Variants in IST1 observed in about 807,000 individuals in gnomAD.
The protein encoded by IST1 is IST1 factor associated with ESCRT-III, also known as IST1 homolog.
IST1 carries 23 observed loss-of-function variants against 37.0 expected under a neutral mutation model. That is an observed-to-expected ratio of 0.62 (90% CI 0.45 to 0.88). The LOEUF is 0.88. IST1 is among the 40% of genes least tolerant of loss of function. IST1 has a pLI of 0.00. For missense variants in IST1, 488 were observed against 445.4 expected, an observed-to-expected ratio of 1.10 and a Z score of -0.86; for synonymous variants, 180 against 161.7, an observed-to-expected ratio of 1.11 and a Z score of -0.86.
intron 1 of IST1, among the ~76,000 whole-genome samples, chr16:71,907,645 T>C (rs966419450): frequency 9.9e-5 from 15 of 152,220 alleles, no homozygotes; most frequent in African/African-American, 3.4e-4. Flanking sequence ...CCTACAGATC[T>C]GTAAGGCTTT....
intron 4 of IST1, among the ~76,000 whole-genome samples, chr16:71,918,683 TG>T (rs1234698641): frequency 6.6e-6 from 1 of 152,212 alleles, no homozygotes; most frequent in Non-Finnish European, 1.5e-5. Context: ...CCCAAAGTGT[TG>T]GGATTACAGG....
At chr16:71,905,927 A>T (rs2037213404) in intron 1 of IST1, among the ~76,000 whole-genome samples, 1 of 151,140 alleles carries the variant, frequency 6.6e-6, no homozygotes, top group Admixed American at 6.6e-5. Context: ...CGTTTCTGTA[A>T]CTCTTGCTTT....
At chr16:71,924,657 G>C in intron 8 of IST1, 112 bp from the exon 9 acceptor site, 2 of 797,896 alleles carry the variant, frequency 2.5e-6, no homozygotes, top group Non-Finnish European at 4.5e-6. Context: ...TTTGGAACAG[G>C]CTCTGTTGCA....
chr16:71,903,719 G>A (rs2037159554), intron 1 of IST1: 1 of 152,150 alleles, frequency 6.6e-6, no homozygotes, highest in African/African-American at 2.4e-5. Context: ...TGTTAAGTTT[G>A]ATTTTAGAAC....
intron 1 of IST1, among the ~76,000 whole-genome samples, chr16:71,900,574 A>C (rs1416664504): frequency 6.6e-6 from 1 of 152,124 alleles, no homozygotes; most frequent in Non-Finnish European, 1.5e-5. Context: ...TGGGTTTGCT[A>C]TGCCAGTGTT....
chr16:71,905,138 C>T (rs1182560118), intron 1 of IST1, among the ~76,000 whole-genome samples: 1 of 151,348 alleles, frequency 6.6e-6, no homozygotes, highest in Non-Finnish European at 1.5e-5. Flanking sequence ...CGTGTTCAAG[C>T]AATTCTCCCG....
chr16:71,902,751 C>G (rs551632064), intron 1 of IST1, among the ~76,000 whole-genome samples: 1 of 152,298 alleles, frequency 6.6e-6, no homozygotes, highest in African/African-American at 2.4e-5. Context: ...TTCACCCTTT[C>G]ATCGCTGATA....
intron 4 of IST1, among the ~76,000 whole-genome samples, chr16:71,918,348 A>G (rs188634291): frequency 6.6e-6 from 1 of 151,502 alleles, no homozygotes; most frequent in East Asian, 2.0e-4. Context: ...CCAATAGGGT[A>G]CCAGGGATAG....
chr16:71,904,812 T>C (rs1436844468), intron 1 of IST1, among the ~76,000 whole-genome samples: 4 of 152,218 alleles, frequency 2.6e-5, no homozygotes, highest in Admixed American at 2.6e-4. Flanking sequence ...TGACAGTATA[T>C]AGTGGATCAT....
chr16:71,918,049 C>T (rs575376381), intron 4 of IST1, among the ~76,000 whole-genome samples: 28 of 152,258 alleles, frequency 1.8e-4, no homozygotes, highest in African/African-American at 6.5e-4. Context: ...CAGATGCCTT[C>T]ATTGCTGAGT....
intron 4 of IST1, among the ~76,000 whole-genome samples, chr16:71,917,512 A>G (rs990195254): frequency 2.0e-5 from 3 of 152,230 alleles, no homozygotes; most frequent in Admixed American, 1.3e-4. Flanking sequence ...TGTATGAGCT[A>G]TGTAAGTGCT....
At chr16:71,907,537 A>G (rs1461341646) in intron 1 of IST1, among the ~76,000 whole-genome samples, 1 of 152,140 alleles carries the variant, frequency 6.6e-6, no homozygotes, top group Non-Finnish European at 1.5e-5. Flanking sequence ...TCGGCTTCCC[A>G]AAGTGCTGGG....
rs1335841743 is a variant in IST1, at chr16:71,923,415, G to A, written c.852+35G>A. On this transcript the variant is annotated intron_variant, in intron 8 of 9. Transcript: ENST00000378799. ...TGAGCCTCTTTTATAAGCAACAGGA[G>A]AGTGAATGCCATGAAGAGCGAGCAA... 1 of 1,337,646 alleles carries A rather than the reference G, an allele frequency of 7.5e-7. No homozygotes were observed. The highest frequency in any genetic ancestry group is 1.1e-6 in the Non-Finnish European group (1 of 931,216). The allele number at this position is 1,337,646 out of a possible 1,614,324, so 82.9% of individuals were successfully genotyped here.
chr16:71,913,363 G>T (rs2037399954), intron 1 of IST1, among the ~76,000 whole-genome samples: 1 of 151,874 alleles, frequency 6.6e-6, no homozygotes, highest in African/African-American at 2.4e-5. Context: ...AGATATTAAT[G>T]ATATTGGCAC....
At chr16:71,895,739 G>A (rs997347908) in intron 1 of IST1, 150 bp downstream of exon 1, 8 of 197,808 alleles carry the variant, frequency 4.0e-5, no homozygotes, top group Non-Finnish European at 6.4e-5. Flanking sequence ...GTGGAAGTGG[G>A]GGTCAGACCG....
At chr16:71,916,022 G>A (rs994625481) in intron 2 of IST1, among the ~76,000 whole-genome samples, 1 of 151,952 alleles carries the variant, frequency 6.6e-6, no homozygotes, top group Admixed American at 6.6e-5. Context: ...GTAGAGACGG[G>A]ATTTCACCAC....
intron 9 of IST1, among the ~76,000 whole-genome samples, chr16:71,926,143 G>A (rs1200618887): frequency 6.6e-6 from 1 of 151,880 alleles, no homozygotes; most frequent in East Asian, 2.0e-4. Flanking sequence ...TTAGCTGGGT[G>A]TGGTGGCAGG....
rs553765271 is a variant in IST1 at position 71,930,412 on chromosome 16, A to G, written c.*2599A>G. The G allele has an allele frequency of 4.7e-5, 17 of 360,084 alleles. No individual in the cohort carries two copies. Among genetic ancestry groups the G allele is most frequent in the African/African-American group, 2.1e-4 (10 of 48,138 alleles). The allele number at this position is 360,084 out of a possible 1,614,324, so 22.3% of individuals were successfully genotyped here. On this transcript the variant is annotated 3_prime_UTR_variant, in exon 10 of 10. Coordinates refer to ENST00000378799, the MANE Select transcript of IST1 (RefSeq NM_001270975.2). ...TAATTGTGACTGCAGGGCTTTCACA[A>G]GAAAACAGGTGAGTTGCAGTGGAAT...
chr16:71,915,261 AC>A (rs2037442931), intron 1 of IST1, among the ~76,000 whole-genome samples: 1 of 151,722 alleles, frequency 6.6e-6, no homozygotes, highest in African/African-American at 2.4e-5. Context: ...TTATCACACC[AC>A]CCCCATGCCA....
Sources: allele counts gnomAD v4.1 joint callset (sites outside exome capture counted in the v4.1 genomes callset), GRCh38; gene constraint gnomAD v4.1.1; transcripts MANE v1.5; gene names NCBI Gene and HGNC (gene_info 2026-07-23, HGNC 2026-07-21).